The following FBXW7 variants were observed in gnomAD, a reference collection of about 807,000 sequenced individuals.
FBXW7 encodes F-box/WD repeat-containing protein 7.
Under a neutral mutation model 86.3 loss-of-function variants are expected in FBXW7, and 11 were observed. That is an observed-to-expected ratio of 0.13 (90% CI 0.08 to 0.21). FBXW7 has a LOEUF of 0.21. FBXW7 is among the 10% of genes least tolerant of loss of function. The probability of loss-of-function intolerance (pLI) is 1.00; values close to 1 mark genes in which losing one functional copy is unlikely to be tolerated. For missense variants in FBXW7, 488 were observed against 847.4 expected, an observed-to-expected ratio of 0.58 and a Z score of 5.27; for synonymous variants, 313 against 297.9, an observed-to-expected ratio of 1.05 and a Z score of -0.52.
At chr4:152,348,918 A>C (rs530734293) in intron 5 of FBXW7, 1 of 157,830 alleles carries the variant, frequency 6.3e-6, no homozygotes, top group Non-Finnish European at 1.4e-5. Context: ...GACAGTTAAC[A>C]TAAGAAAAAT....
At chr4:152,390,062 G>T (rs1735863916) in intron 4 of FBXW7, among the ~76,000 whole-genome samples, 1 of 151,408 alleles carries the variant, frequency 6.6e-6, no homozygotes, top group African/African-American at 2.4e-5. Flanking sequence ...AATAACCTCA[G>T]GATTTTTCTG....
At chr4:152,416,261 G>A (rs1262216560) in intron 2 of FBXW7, among the ~76,000 whole-genome samples, 1 of 152,102 alleles carries the variant, frequency 6.6e-6, no homozygotes, top group Non-Finnish European at 1.5e-5. Context: ...CTTCGAGCCA[G>A]GTCACAAACA....
chr4:152,386,453 T>C (rs777913290), intron 4 of FBXW7, among the ~76,000 whole-genome samples: 2 of 152,046 alleles, frequency 1.3e-5, no homozygotes, highest in Non-Finnish European at 2.9e-5. Context: ...TAAACTGTCA[T>C]TATGATTACT....
intron 4 of FBXW7, among the ~76,000 whole-genome samples, chr4:152,380,861 G>T (rs983436006): frequency 5.3e-5 from 8 of 151,666 alleles, no homozygotes; most frequent in Non-Finnish European, 1.0e-4. Context: ...TTTTACAGGG[G>T]TATAAGATAA....
intron 12 of FBXW7, 39 bp from the exon 13 acceptor site, chr4:152,324,433 A>C (rs2126481620): frequency 6.8e-7 from 1 of 1,476,130 alleles, no homozygotes; most frequent in Non-Finnish European, 9.3e-7. Context: ...AAGTATGGAT[A>C]CTCTTCCTAT....
intron 4 of FBXW7, among the ~76,000 whole-genome samples, chr4:152,362,819 T>A (rs1163183634): frequency 3.9e-5 from 4 of 103,582 alleles, no homozygotes; most frequent in Non-Finnish European, 7.8e-5. Context: ...AGAGTGAAAC[T>A]CTCTCTCTCA....
intron 2 of FBXW7, among the ~76,000 whole-genome samples, chr4:152,436,994 C>T (rs1408067140): frequency 6.6e-6 from 1 of 152,216 alleles, no homozygotes; most frequent in African/African-American, 2.4e-5. Context: ...ACCCATTCTG[C>T]AGCCCATTAA....
chr4:152,425,014 G>A (rs1045960011), intron 2 of FBXW7, among the ~76,000 whole-genome samples: 18 of 152,116 alleles, frequency 1.2e-4, no homozygotes, highest in African/African-American at 1.2e-4. Flanking sequence ...AATAGGACCC[G>A]AGATTCTGCA....
intron 2 of FBXW7, among the ~76,000 whole-genome samples, chr4:152,459,095 C>T (rs1204666217): frequency 6.6e-6 from 1 of 152,078 alleles, no homozygotes; most frequent in Non-Finnish European, 1.5e-5. Flanking sequence ...AGGTGAGGAG[C>T]CCTGCCTAGA....
intron 2 of FBXW7, among the ~76,000 whole-genome samples, chr4:152,428,697 G>C (rs1739601409): frequency 1.3e-5 from 2 of 152,186 alleles, no homozygotes; most frequent in Admixed American, 6.5e-5. Flanking sequence ...TTCAATAAGA[G>C]TTAATAACAG....
intron 2 of FBXW7, among the ~76,000 whole-genome samples, chr4:152,492,793 A>G (rs554659294): frequency 3.5e-4 from 53 of 152,182 alleles, no homozygotes; most frequent in African/African-American, 1.3e-3. Flanking sequence ...AACAAAGAAT[A>G]GTAAGGCTAA....
At chr4:152,346,720 C>T (rs1429677436) in intron 6 of FBXW7, 2 of 541,482 alleles carry the variant, frequency 3.7e-6, no homozygotes, top group Non-Finnish European at 6.2e-6. Context: ...TACTTTCTGT[C>T]TCTATGGATT....
intron 2 of FBXW7, among the ~76,000 whole-genome samples, chr4:152,508,922 T>A (rs1228088419): frequency 6.6e-6 from 1 of 152,192 alleles, no homozygotes; most frequent in Non-Finnish European, 1.5e-5. Context: ...ATCAGCATCA[T>A]GTGCCTCTAA....
intron 2 of FBXW7, among the ~76,000 whole-genome samples, chr4:152,491,003 A>T (rs953408996): frequency 1.1e-4 from 17 of 152,146 alleles, no homozygotes; most frequent in African/African-American, 3.9e-4. Flanking sequence ...ATTCTTTGTA[A>T]AGAGGAAAGG....
intron 2 of FBXW7, among the ~76,000 whole-genome samples, chr4:152,503,961 C>T (rs1301063189): frequency 6.6e-6 from 1 of 152,076 alleles, no homozygotes; most frequent in Non-Finnish European, 1.5e-5. Context: ...AAATAAAAAA[C>T]AATACATTTA....
At chr4:152,387,607 T>TA (rs140171187) in intron 4 of FBXW7, among the ~76,000 whole-genome samples, 107,325 of 129,142 alleles carry the variant, frequency 0.83, 45,186 homozygotes, top group Non-Finnish European at 0.91. Flanking sequence ...GCAAAAACTG[T>TA]AAAAAAAAAA....
At chr4:152,381,253 T>C (rs79790994) in intron 4 of FBXW7, among the ~76,000 whole-genome samples, 2,074 of 152,202 alleles carry the variant, frequency 0.014, 25 homozygotes, top group Middle Eastern at 0.037. Flanking sequence ...TCCAGTGTTA[T>C]GGATTATTCT....
rs57894523 is a variant in FBXW7 at position 152,419,494 on chromosome 4, AAC to A, written c.-119-6967_-119-6966del. Among the ~76,000 whole-genome samples the A allele has an allele frequency of 9.3e-3, 1,149 of 123,336 alleles. 19 individuals carry two copies. Among genetic ancestry groups the A allele is most frequent in the African/African-American group, 0.031 (1,026 of 33,082 alleles). The allele number at this position is 123,336 out of a possible 152,430, so 80.9% of individuals were successfully genotyped here. A position where few individuals can be genotyped will look rare whatever the true frequency, so the allele number is the denominator to read the frequency against. On this transcript the variant is annotated intron_variant, in intron 2 of 13. Transcript: ENST00000281708. ...TGGTAAGGCCCACTAGGATAAGGTA[AAC>A]ACACACACACACACACACACACACA... is the stretch of plus-strand genomic sequence containing the variant.
At position 152,321,453 on chromosome 4, in the gene FBXW7, AAGG is replaced by A. The variant is rs1347231895; in HGVS notation, c.*1425_*1427del. On this transcript the variant is annotated 3_prime_UTR_variant, in exon 14 of 14. Coordinates refer to ENST00000281708, the MANE Select transcript of FBXW7 (RefSeq NM_001349798.2). ...ATAAAACAAACAAAAAAATAAACAG[AAGG>A]AGGAAAAAAGATCGCCTAGGATACA... 1 of 232,860 alleles carries A rather than the reference AAGG, an allele frequency of 4.3e-6. No homozygotes were observed. Among genetic ancestry groups the A allele is most frequent in the Non-Finnish European group, 8.5e-6 (1 of 117,636 alleles). 14.4% of individuals were successfully genotyped at this position (232,860 alleles called of 1,614,324 possible).
Sources: gnomAD v4.1 joint callset for allele counts (sites outside exome capture counted in the v4.1 genomes callset) on GRCh38, gnomAD v4.1.1 for gene constraint, MANE v1.5 for transcripts, NCBI Gene and HGNC (gene_info 2026-07-23, HGNC 2026-07-21) for gene names.